The following RAB28 variants were observed in gnomAD, a reference collection of about 807,000 sequenced individuals.
RAB28 encodes the protein ras-related protein Rab-28.
A neutral mutation model predicts 31.7 loss-of-function variants in RAB28; 24 were observed. The ratio of observed to expected loss-of-function variants is 0.76; its 90% CI spans 0.55 to 1.06. The LOEUF is 1.06. Among genes scored for constraint, RAB28 ranks in the 50% least tolerant of loss-of-function variants. The pLI, the probability that RAB28 is intolerant of heterozygous loss-of-function variation, is 0.00. For synonymous variants in RAB28, 100 were observed against 90.4 expected, an observed-to-expected ratio of 1.11 and a Z score of -0.60; for missense variants, 254 against 258.5, an observed-to-expected ratio of 0.98 and a Z score of 0.12.
intron 4 of RAB28, among the ~76,000 whole-genome samples, chr4:13,384,026 T>C (rs1056042188): frequency 6.6e-6 from 1 of 152,114 alleles, no homozygotes; most frequent in Non-Finnish European, 1.5e-5. Context: ...TGGTGGAAAG[T>C]AGTACTCACC....
At chr4:13,370,200 GT>G (rs1333529144) in intron 6 of RAB28, 1 of 977,142 alleles carries the variant, frequency 1.0e-6, no homozygotes, top group Non-Finnish European at 1.2e-6. Context: ...ATTATTCTTT[GT>G]AATTCTATTT....
At chr4:13,394,196 C>T (rs1348173470) in intron 4 of RAB28, among the ~76,000 whole-genome samples, 1 of 152,130 alleles carries the variant, frequency 6.6e-6, no homozygotes, top group Non-Finnish European at 1.5e-5. Context: ...CCTCTTTGAT[C>T]TGAGATCTAA....
chr4:13,477,247 A>C lies in RAB28; in HGVS notation c.172+2183T>G, dbSNP rs534713175. Among the ~76,000 whole-genome samples the C allele has an allele frequency of 2.6e-5, 4 of 151,716 alleles. No individual in the cohort carries two copies. In the South Asian group the frequency reaches 8.3e-4, roughly 31 times the overall value. ...TATACAGCATACCGGATCATGAAAT[A>C]TACTAAAATGGATGAGTATTTGCAA... On this transcript the variant is annotated intron_variant, in intron 2 of 6. Transcript: ENST00000330852.
At chr4:13,404,135 G>A (rs1396237989) in intron 4 of RAB28, among the ~76,000 whole-genome samples, 1 of 152,130 alleles carries the variant, frequency 6.6e-6, no homozygotes, top group Non-Finnish European at 1.5e-5. Flanking sequence ...TCCCAGCACT[G>A]TGGGAGGCCA....
chr4:13,368,544 A>G lies in RAB28; in HGVS notation c.*14T>C, dbSNP rs372076613. The G allele has an allele frequency of 2.4e-5, 38 of 1,601,836 alleles. No individual in the cohort carries two copies. The highest frequency in any genetic ancestry group is 2.3e-5 in the Non-Finnish European group (27 of 1,175,178). On this transcript the variant is annotated 3_prime_UTR_variant, in exon 7 of 7. Coordinates refer to ENST00000330852, the MANE Select transcript of RAB28 (RefSeq NM_001017979.3). ...AAGGGCAGCCAGAACTATCAACACA[A>G]AAGAAAAATGCGCTCACTGAACTGC...
At chr4:13,423,710 G>A (rs1713308867) in intron 4 of RAB28, among the ~76,000 whole-genome samples, 1 of 152,104 alleles carries the variant, frequency 6.6e-6, no homozygotes, top group South Asian at 2.1e-4. Flanking sequence ...GCCCTTTTCA[G>A]ATAAAGCTTG....
chr4:13,389,290 C>T (rs189856172), intron 4 of RAB28, among the ~76,000 whole-genome samples: 15 of 152,096 alleles, frequency 9.9e-5, no homozygotes, highest in African/African-American at 3.4e-4. Flanking sequence ...ATAGTGGTTG[C>T]CAGGGGATGT....
At chr4:13,445,540 G>A (rs1443129099) in intron 4 of RAB28, among the ~76,000 whole-genome samples, 1 of 152,104 alleles carries the variant, frequency 6.6e-6, no homozygotes, top group African/African-American at 2.4e-5. Flanking sequence ...CTGTGGATAA[G>A]GTTTTTGTGG....
At chr4:13,404,215 C>G (rs1392669662) in intron 4 of RAB28, among the ~76,000 whole-genome samples, 1 of 152,058 alleles carries the variant, frequency 6.6e-6, no homozygotes, top group East Asian at 1.9e-4. Context: ...CCCATCTCCA[C>G]TAAAAATACA....
intron 4 of RAB28, among the ~76,000 whole-genome samples, chr4:13,438,058 T>A (rs530685628): frequency 6.6e-6 from 1 of 152,210 alleles, no homozygotes; most frequent in South Asian, 2.1e-4. Flanking sequence ...CATTGATGCA[T>A]CTGGAGGCCA....
At chr4:13,474,780 T>C (rs918087634) in intron 2 of RAB28, among the ~76,000 whole-genome samples, 5 of 151,648 alleles carry the variant, frequency 3.3e-5, no homozygotes, top group African/African-American at 9.7e-5. Context: ...TGAAGCTTTA[T>C]ATACTCAACC....
chr4:13,391,730 A>G (rs1729638183), intron 4 of RAB28, among the ~76,000 whole-genome samples: 1 of 152,198 alleles, frequency 6.6e-6, no homozygotes, highest in Non-Finnish European at 1.5e-5. Flanking sequence ...CAGCCATAAA[A>G]AAGGATGAGT....
chr4:13,419,420 T>A (rs1712987034), intron 4 of RAB28, among the ~76,000 whole-genome samples: 1 of 152,108 alleles, frequency 6.6e-6, no homozygotes, highest in Non-Finnish European at 1.5e-5. Flanking sequence ...TCTACAGAAC[T>A]CTCCACCCCA....
At chr4:13,403,474 C>G (rs1711897922) in intron 4 of RAB28, among the ~76,000 whole-genome samples, 1 of 152,222 alleles carries the variant, frequency 6.6e-6, no homozygotes, top group Admixed American at 6.5e-5. Context: ...CTCTGTTCCA[C>G]TTGTCACAAA....
At chr4:13,440,040 C>T (rs746191813) in intron 4 of RAB28, among the ~76,000 whole-genome samples, 1 of 152,024 alleles carries the variant, frequency 6.6e-6, no homozygotes, top group Admixed American at 6.6e-5. Context: ...GTCATGACTG[C>T]CTTGCTGCAC....
intron 4 of RAB28, among the ~76,000 whole-genome samples, chr4:13,458,774 G>T (rs78202574): frequency 0.056 from 8,508 of 152,212 alleles, 542 homozygotes; most frequent in African/African-American, 0.16. Context: ...TACAGTATGG[G>T]AACATGCTAT....
intron 1 of RAB28, among the ~76,000 whole-genome samples, chr4:13,482,742 T>A (rs1240683596): frequency 6.6e-6 from 1 of 152,152 alleles, no homozygotes; most frequent in Admixed American, 6.5e-5. Flanking sequence ...TTCCTCAGCT[T>A]TAAAAATCTG....
At chr4:13,406,960 C>CT (rs775997180) in intron 4 of RAB28, among the ~76,000 whole-genome samples, 1 of 152,176 alleles carries the variant, frequency 6.6e-6, no homozygotes, top group African/African-American at 2.4e-5. Context: ...CCTGTTCACT[C>CT]TGATGATAGT....
Position 13,368,436 on chromosome 4 carries a change from T to C in RAB28, c.*122A>G. On this transcript the variant is annotated 3_prime_UTR_variant, in exon 7 of 7. Coordinates refer to ENST00000330852, the MANE Select transcript of RAB28 (RefSeq NM_001017979.3). ...GAGGCAATAGCAATGATGAAGCAAG[T>C]TGGGAGTAAAGTGTTAACTGAACTA... 2.3e-6 allele frequency: 3 copies of C among 1,304,040 alleles called. No homozygotes were observed. The highest frequency in any genetic ancestry group is 2.9e-6 in the Non-Finnish European group (3 of 1,022,756). 80.8% of individuals were successfully genotyped at this position (1,304,040 alleles called of 1,614,324 possible). A position where few individuals can be genotyped will look rare whatever the true frequency, so the allele number is the denominator to read the frequency against.
Sources: gnomAD v4.1 joint callset for allele counts (sites outside exome capture counted in the v4.1 genomes callset) on GRCh38, gnomAD v4.1.1 for gene constraint, MANE v1.5 for transcripts, NCBI Gene and HGNC (gene_info 2026-07-23, HGNC 2026-07-21) for gene names.